Variants in FANCC observed in about 807,000 individuals in gnomAD.
FANCC encodes the protein FA complementation group C, also known as Fanconi anemia group C protein.
FANCC carries 55 observed loss-of-function variants against 71.3 expected under a neutral mutation model. That is an observed-to-expected ratio of 0.77 (90% CI 0.62 to 0.97). FANCC has a LOEUF of 0.97. Among genes scored for constraint, FANCC ranks in the 50% least tolerant of loss-of-function variants. The probability of loss-of-function intolerance (pLI) is 0.00; values close to 1 mark genes in which losing one functional copy is unlikely to be tolerated. For synonymous variants in FANCC, 275 were observed against 244.9 expected (o/e 1.12, Z -1.15); for missense variants, 678 against 670.9 (o/e 1.01, Z -0.12).
chr9:95,225,283 T>C (rs2135958534), intron 4 of FANCC, among the ~76,000 whole-genome samples: 1 of 152,308 alleles, frequency 6.6e-6, no homozygotes, highest in Non-Finnish European at 1.5e-5. Flanking sequence ...GACGTCACTG[T>C]TTAAATTTAC....
intron 6 of FANCC, among the ~76,000 whole-genome samples, chr9:95,166,694 G>A (rs1831088395): frequency 6.6e-6 from 1 of 152,094 alleles, no homozygotes; most frequent in Non-Finnish European, 1.5e-5. Flanking sequence ...CAAAAATATA[G>A]TATTTGCAGG....
At chr9:95,188,433 T>C (rs1301643436) in intron 4 of FANCC, among the ~76,000 whole-genome samples, 2 of 152,070 alleles carry the variant, frequency 1.3e-5, no homozygotes, top group African/African-American at 2.4e-5. Context: ...AGCACCATCA[T>C]TGCCCCTAGG....
At chr9:95,121,273 C>T (rs1480261674) in intron 10 of FANCC, among the ~76,000 whole-genome samples, 1 of 152,124 alleles carries the variant, frequency 6.6e-6, no homozygotes, top group Admixed American at 6.6e-5. Context: ...CAATTTCTGC[C>T]TACTGTCTGA....
intron 1 of FANCC, among the ~76,000 whole-genome samples, chr9:95,279,882 A>G (rs1050046546): frequency 3.5e-5 from 5 of 141,484 alleles, no homozygotes; most frequent in Non-Finnish European, 6.1e-5. Flanking sequence ...TGAGAGGCGG[A>G]GGCTGCAGTG....
At chr9:95,191,327 CTTTTTTTTTTT>C (rs71366278) in intron 4 of FANCC, among the ~76,000 whole-genome samples, 14 of 53,926 alleles carry the variant, frequency 2.6e-4, no homozygotes, top group South Asian at 1.2e-3. Context: ...ATCCTACTTC[CTTTTTTTTTTT>C]TTTTTTTTTT....
intron 6 of FANCC, among the ~76,000 whole-genome samples, chr9:95,169,183 C>A (rs999026974): frequency 5.3e-5 from 8 of 152,056 alleles, no homozygotes; most frequent in African/African-American, 1.7e-4. Flanking sequence ...TTGCTGAGAT[C>A]TATAGTAAAA....
At chr9:95,243,233 C>T (rs1477372489) in intron 3 of FANCC, among the ~76,000 whole-genome samples, 1 of 152,128 alleles carries the variant, frequency 6.6e-6, no homozygotes, top group Non-Finnish European at 1.5e-5. Context: ...CATGCTTAAT[C>T]GTGAGGGCAG....
intron 4 of FANCC, 135 bp from the exon 5 acceptor site, chr9:95,172,282 ATTTAC>A: frequency 3.3e-6 from 2 of 609,094 alleles, no homozygotes; most frequent in Non-Finnish European, 5.9e-6. Context: ...AAAGTACCCA[ATTTAC>A]TTTGATTCAA....
intron 1 of FANCC, among the ~76,000 whole-genome samples, chr9:95,258,819 G>A (rs1199910613): frequency 2.6e-5 from 4 of 152,172 alleles, no homozygotes; most frequent in Non-Finnish European, 5.9e-5. Context: ...ATTTCCTTAA[G>A]CTGATAAGCA....
intron 1 of FANCC, among the ~76,000 whole-genome samples, chr9:95,305,713 G>C (rs545745552): frequency 6.6e-6 from 1 of 152,200 alleles, no homozygotes; most frequent in East Asian, 1.9e-4. Flanking sequence ...ACAATTCAAA[G>C]GCAACAGGAT....
intron 8 of FANCC, chr9:95,126,800 T>C (rs1323780930): frequency 1.7e-5 from 9 of 533,982 alleles, no homozygotes; most frequent in Non-Finnish European, 3.0e-5. Context: ...CTTATTCCTC[T>C]GTATACTCCT....
intron 8 of FANCC, 111 bp downstream of exon 8, chr9:95,135,235 G>T (rs1481987468): frequency 9.6e-7 from 1 of 1,045,124 alleles, no homozygotes; most frequent in African/African-American, 1.6e-5. Flanking sequence ...TATATATAAA[G>T]GTTCCAATTG....
At chr9:95,288,213 A>C (rs958754242) in intron 1 of FANCC, among the ~76,000 whole-genome samples, 2 of 152,256 alleles carry the variant, frequency 1.3e-5, no homozygotes, top group Non-Finnish European at 2.9e-5. Context: ...CAGCAATAAT[A>C]ATTTGTAAAG....
At position 95,099,501 on chromosome 9, in the gene FANCC, C is replaced by T. The variant is rs149721185; in HGVS notation, c.*2206G>A. ...GCACCTGCCCAGGCTTTGCCGAAAT[C>T]GAAGGCAACAAGAGGGGGAGGTGGG... On this transcript the variant is annotated 3_prime_UTR_variant, in exon 15 of 15. Coordinates refer to ENST00000289081, the MANE Select transcript of FANCC (RefSeq NM_000136.3). The T allele has an allele frequency of 7.4e-5, 17 of 228,534 alleles. No homozygotes were observed. The highest frequency in any genetic ancestry group is 6.9e-4 in the Admixed American group (12 of 17,504). The allele number at this position is 228,534 out of a possible 1,614,324, so 14.2% of individuals were successfully genotyped here.
At chr9:95,279,195 G>C (rs1435667896) in intron 1 of FANCC, among the ~76,000 whole-genome samples, 1 of 152,026 alleles carries the variant, frequency 6.6e-6, no homozygotes, top group African/African-American at 2.4e-5. Flanking sequence ...GTGCATGCTT[G>C]CAGTCCTAAT....
chr9:95,128,879 G>A (rs1258971624), intron 8 of FANCC, among the ~76,000 whole-genome samples: 3 of 151,970 alleles, frequency 2.0e-5, no homozygotes, highest in East Asian at 1.9e-4. Context: ...AAACAGCAAC[G>A]GCAGAGATTT....
At chr9:95,159,452 T>C (rs1184255106) in intron 6 of FANCC, among the ~76,000 whole-genome samples, 1 of 152,202 alleles carries the variant, frequency 6.6e-6, no homozygotes, top group Non-Finnish European at 1.5e-5. Context: ...TTTAGGTTCA[T>C]TCCAAGTCTT....
intron 4 of FANCC, among the ~76,000 whole-genome samples, chr9:95,217,527 A>G (rs184328218): frequency 6.6e-6 from 1 of 152,214 alleles, no homozygotes; most frequent in Non-Finnish European, 1.5e-5. Context: ...ACCAATGGTC[A>G]AAAAAAGAAA....
chr9:95,243,518 T>C (rs887282073), intron 3 of FANCC, among the ~76,000 whole-genome samples: 14 of 152,018 alleles, frequency 9.2e-5, no homozygotes, highest in African/African-American at 3.4e-4. Context: ...GGCGTGGTGG[T>C]TCACACCTGT....
Sources: gnomAD v4.1 joint callset for allele counts (sites outside exome capture counted in the v4.1 genomes callset) on GRCh38, gnomAD v4.1.1 for gene constraint, MANE v1.5 for transcripts, NCBI Gene and HGNC (gene_info 2026-07-23, HGNC 2026-07-21) for gene names.